AMOTL1: variants seen among roughly 807,000 people sequenced by gnomAD.
AMOTL1 encodes the protein angiomotin-like protein 1.
AMOTL1 carries 45 observed loss-of-function variants against 102.9 expected under a neutral mutation model. The ratio of observed to expected loss-of-function variants is 0.44; its 90% CI spans 0.34 to 0.56. The LOEUF is 0.56. Among genes scored for constraint, AMOTL1 ranks in the 20% least tolerant of loss-of-function variants. The probability of loss-of-function intolerance (pLI) is 0.01; values close to 1 mark genes in which losing one functional copy is unlikely to be tolerated. For missense variants in AMOTL1, 1,114 were observed against 1,225.6 expected (o/e 0.91, Z 1.36); for synonymous variants, 481 against 484.7 (o/e 0.99, Z 0.10).
At chr11:94,712,379 C>T (rs1242401698) in intron 1 of AMOTL1, among the ~76,000 whole-genome samples, 1 of 151,938 alleles carries the variant, frequency 6.6e-6, no homozygotes, top group East Asian at 1.9e-4. Flanking sequence ...AATGTAAGAC[C>T]TCAAACTATA....
At chr11:94,717,269 T>C (rs1241933084) in intron 1 of AMOTL1, among the ~76,000 whole-genome samples, 1 of 150,884 alleles carries the variant, frequency 6.6e-6, no homozygotes, top group African/African-American at 2.4e-5. Context: ...CTGTAACATC[T>C]TATCTCACAA....
intron 2 of AMOTL1, among the ~76,000 whole-genome samples, chr11:94,729,663 C>T (rs1410437310): frequency 6.6e-6 from 1 of 152,108 alleles, no homozygotes; most frequent in Non-Finnish European, 1.5e-5. Context: ...TCCTCCATCC[C>T]TCAAATCTGA....
At position 94,789,622 on chromosome 11, in the gene AMOTL1, C is replaced by G. The variant is rs1335988421; in HGVS notation, c.50-5389C>G. On this transcript the variant is annotated intron_variant, in intron 1 of 12. Transcript: ENST00000433060. ...TGGCCCTTATTTTTCAGGTACTGGT[C>G]ATAGGTTCTCCAGCCCTTTTGAAAA... 3.9e-5 allele frequency among the ~76,000 whole-genome samples: 6 copies of G among 152,176 alleles called. 1 individual carries two copies. Among genetic ancestry groups the G allele is most frequent in the African/African-American group, 1.2e-4 (5 of 41,442 alleles).
intron 3 of AMOTL1, among the ~76,000 whole-genome samples, chr11:94,750,365 T>C (rs796783310): frequency 3.4e-4 from 52 of 152,312 alleles, no homozygotes; most frequent in African/African-American, 1.2e-3. Context: ...CTGCTGCCCC[T>C]ACTCACACCA....
intron 12 of AMOTL1, 99 bp downstream of exon 12, chr11:94,869,572 C>A: frequency 7.4e-7 from 1 of 1,358,480 alleles, no homozygotes; most frequent in Non-Finnish European, 9.8e-7. Context: ...GGGCACCCAT[C>A]AGCTCTTACT....
intron 11 of AMOTL1, 24 bp downstream of exon 11, chr11:94,866,192 C>A (rs767266846): frequency 1.3e-5 from 21 of 1,608,022 alleles, no homozygotes; most frequent in African/African-American, 5.3e-5. Flanking sequence ...CTCTGTCAGA[C>A]CATGATTGGA....
intron 2 of AMOTL1, among the ~76,000 whole-genome samples, chr11:94,732,146 G>C (rs919545164): frequency 6.6e-6 from 1 of 152,196 alleles, no homozygotes; most frequent in African/African-American, 2.4e-5. Flanking sequence ...ATATGGGCTG[G>C]TGGGGTTTGC....
intron 6 of AMOTL1, among the ~76,000 whole-genome samples, chr11:94,845,334 G>A (rs1214200813): frequency 6.6e-6 from 1 of 152,174 alleles, no homozygotes; most frequent in African/African-American, 2.4e-5. Context: ...CTCAAGCAAG[G>A]GAGACTAACG....
chr11:94,710,481 C>T (rs1014510681), intron 1 of AMOTL1, among the ~76,000 whole-genome samples: 5 of 152,198 alleles, frequency 3.3e-5, no homozygotes, highest in African/African-American at 2.4e-5. Context: ...GTTCGTGTGG[C>T]GATTATATTT....
intron 1 of AMOTL1, among the ~76,000 whole-genome samples, chr11:94,726,666 T>A (rs763016194): frequency 1.3e-5 from 2 of 152,186 alleles, no homozygotes; most frequent in African/African-American, 2.4e-5. Context: ...ATGGACTTTG[T>A]CTATGGCAGG....
At chr11:94,734,970 A>G (rs185212462) in intron 2 of AMOTL1, among the ~76,000 whole-genome samples, 1 of 152,322 alleles carries the variant, frequency 6.6e-6, no homozygotes, top group African/African-American at 2.4e-5. Context: ...TAATAGCATC[A>G]TTTGGCTGGA....
intron 1 of AMOTL1, among the ~76,000 whole-genome samples, chr11:94,782,896 G>A (rs1951132742): frequency 1.3e-5 from 2 of 152,130 alleles, no homozygotes; most frequent in East Asian, 1.9e-4. Context: ...TTCTCACTTC[G>A]TTTTAAAACT....
At chr11:94,809,186 G>A (rs772140666) in intron 3 of AMOTL1, among the ~76,000 whole-genome samples, 13 of 151,922 alleles carry the variant, frequency 8.6e-5, no homozygotes, top group Non-Finnish European at 1.5e-4. Context: ...GATCAGGCTG[G>A]TCTCGAACTC....
chr11:94,735,291 G>A (rs1950421921), intron 2 of AMOTL1, among the ~76,000 whole-genome samples: 1 of 152,236 alleles, frequency 6.6e-6, no homozygotes, highest in Non-Finnish European at 1.5e-5. Context: ...CAGAATATCT[G>A]TGATGGGCAT....
At chr11:94,712,562 G>A (rs112612031) in intron 1 of AMOTL1, among the ~76,000 whole-genome samples, 1 of 152,068 alleles carries the variant, frequency 6.6e-6, no homozygotes, top group Non-Finnish European at 1.5e-5. Flanking sequence ...TATAGAATGG[G>A]AGAAAATAGT....
intron 6 of AMOTL1, among the ~76,000 whole-genome samples, chr11:94,838,394 A>G (rs182946550): frequency 1.3e-5 from 2 of 152,380 alleles, no homozygotes; most frequent in East Asian, 3.9e-4. Flanking sequence ...TTAGGCCACA[A>G]GTCAGCAAAC....
At chr11:94,837,110 A>T (rs1215142483) in intron 6 of AMOTL1, among the ~76,000 whole-genome samples, 1 of 152,216 alleles carries the variant, frequency 6.6e-6, no homozygotes, top group African/African-American at 2.4e-5. Context: ...TGACCCTTAC[A>T]TGTAGTAGGA....
intron 2 of AMOTL1, among the ~76,000 whole-genome samples, chr11:94,795,897 C>G (rs773073148): frequency 2.8e-4 from 42 of 152,132 alleles, no homozygotes; most frequent in Admixed American, 1.7e-3. Flanking sequence ...ATCAGTTACC[C>G]TGAGGGGAGG....
intron 10 of AMOTL1, 23 bp downstream of exon 10, chr11:94,864,883 G>A (rs367589149): frequency 4.1e-5 from 66 of 1,607,386 alleles, no homozygotes; most frequent in Admixed American, 5.0e-5. Context: ...TATGTGTGAC[G>A]TGTGGGGCCC....
Sources: allele counts gnomAD v4.1 joint callset (sites outside exome capture counted in the v4.1 genomes callset), GRCh38; gene constraint gnomAD v4.1.1; transcripts MANE v1.5; gene names NCBI Gene and HGNC (gene_info 2026-07-23, HGNC 2026-07-21).